Variants in RIT2 observed in about 807,000 individuals in gnomAD.
RIT2 encodes the protein Ras like without CAAX 2.
A neutral mutation model predicts 23.7 loss-of-function variants in RIT2; 24 were observed. The observed-to-expected ratio is 1.01, with a 90% CI of 0.73 to 1.43. RIT2 has a LOEUF of 1.43. Ranked by LOEUF, RIT2 falls within the 40% of genes most tolerant of loss-of-function variation. The pLI is 0.00. For missense variants in RIT2, 236 were observed against 266.9 expected (o/e 0.88, Z 0.81); for synonymous variants, 107 against 91.1 (o/e 1.17, Z -0.99).
chr18:42,819,539 T>C (rs540426890), intron 4 of RIT2, among the ~76,000 whole-genome samples: 1 of 152,222 alleles, frequency 6.6e-6, no homozygotes, highest in South Asian at 2.1e-4. Context: ...TTATTGTATG[T>C]TTTTATATTT....
intron 4 of RIT2, among the ~76,000 whole-genome samples, chr18:42,846,140 C>T (rs1287959066): frequency 6.6e-6 from 1 of 151,318 alleles, no homozygotes; most frequent in Non-Finnish European, 1.5e-5. Context: ...ACATACTGAG[C>T]AAAAAAGAGA....
intron 4 of RIT2, among the ~76,000 whole-genome samples, chr18:42,879,148 AT>A (rs1313971161): frequency 2.0e-5 from 3 of 152,202 alleles, no homozygotes; most frequent in African/African-American, 7.2e-5. Flanking sequence ...AATCTGAATG[AT>A]TTCTTTCCAA....
At position 42,863,612 on chromosome 18, in the gene RIT2, A is replaced by T. The variant is rs183543228; in HGVS notation, c.426+59960T>A. On this transcript the variant is annotated intron_variant, in intron 4 of 4. Coordinates refer to ENST00000326695, the MANE Select transcript of RIT2 (RefSeq NM_002930.4). ...TAAATTTCTTTCAAATTAAATTTGG[A>T]AGCCACACATGCTTTCTTGGAAATT... Among the ~76,000 whole-genome samples, 244 of 152,312 alleles carry T rather than the reference A, an allele frequency of 1.6e-3. 2 individuals carry two copies. The highest frequency in any genetic ancestry group is 5.5e-3 in the African/African-American group (230 of 41,570).
chr18:42,811,737 G>A (rs139753268), intron 4 of RIT2, among the ~76,000 whole-genome samples: 58 of 152,108 alleles, frequency 3.8e-4, no homozygotes, highest in African/African-American at 1.1e-3. Context: ...GGAAGGATTC[G>A]TTTGCAAAGC....
chr18:43,045,177 A>C (rs1912217615), intron 1 of RIT2, among the ~76,000 whole-genome samples: 2 of 152,132 alleles, frequency 1.3e-5, no homozygotes, highest in Non-Finnish European at 2.9e-5. Context: ...AACATACGTA[A>C]ATACAACTCT....
At chr18:42,768,780 A>T (rs1913482784) in intron 4 of RIT2, among the ~76,000 whole-genome samples, 1 of 151,954 alleles carries the variant, frequency 6.6e-6, no homozygotes, top group South Asian at 2.1e-4. Flanking sequence ...TTACAATTTG[A>T]AGTAGGTTGG....
In RIT2 at chr18:42,783,810, A is replaced by G. The variant is rs183138695; in HGVS notation, c.427-40090T>C. Among the ~76,000 whole-genome samples the G allele has an allele frequency of 6.6e-3, 1,011 of 152,118 alleles. 11 individuals carry two copies. Among genetic ancestry groups the G allele is most frequent in the African/African-American group, 0.023 (968 of 41,528 alleles). On this transcript the variant is annotated intron_variant, in intron 4 of 4. Coordinates refer to ENST00000326695, the MANE Select transcript of RIT2 (RefSeq NM_002930.4). The stretch of plus-strand genomic sequence containing the variant: ...CTTTAAAAATAATTTATTTGTAAAC[A>G]TTTGGTGGACATGAGAGCTGGATTA...
intron 4 of RIT2, among the ~76,000 whole-genome samples, chr18:42,896,563 CA>C (rs1255580450): frequency 6.6e-6 from 1 of 152,184 alleles, no homozygotes; most frequent in African/African-American, 2.4e-5. Context: ...ACTCTCTCAA[CA>C]TTGTAATACA....
chr18:42,856,295 A>G (rs1907180143), intron 4 of RIT2, among the ~76,000 whole-genome samples: 1 of 152,234 alleles, frequency 6.6e-6, no homozygotes, highest in African/African-American at 2.4e-5. Context: ...AAGGAATTGC[A>G]TACTCAGAGA....
intron 2 of RIT2, among the ~76,000 whole-genome samples, chr18:43,021,767 C>A (rs889528251): frequency 6.6e-6 from 1 of 152,072 alleles, no homozygotes; most frequent in East Asian, 1.9e-4. Context: ...AGCCACCATG[C>A]TTTCTATGCA....
At chr18:42,860,173 T>C (rs988203380) in intron 4 of RIT2, among the ~76,000 whole-genome samples, 2 of 152,170 alleles carry the variant, frequency 1.3e-5, no homozygotes, top group Non-Finnish European at 1.5e-5. Context: ...TTGGGAAATT[T>C]CATGTGAGTC....
chr18:42,755,775 G>C lies in RIT2; in HGVS notation c.427-12055C>G, dbSNP rs184033205. Among the ~76,000 whole-genome samples the C allele has an allele frequency of 2.5e-3, 384 of 152,260 alleles. 1 individual carries two copies. Among genetic ancestry groups the C allele is most frequent in the Middle Eastern group, 0.014 (4 of 294 alleles). Reference sequence around the variant, plus strand: ...AGCTGAGGCTACAATAAACAGAGGAGTTGGTTGTCGATTTAGACAAATAGA... The same window carrying C: ...AGCTGAGGCTACAATAAACAGAGGACTTGGTTGTCGATTTAGACAAATAGA... On this transcript the variant is annotated intron_variant, in intron 4 of 4. Coordinates refer to ENST00000326695, the MANE Select transcript of RIT2 (RefSeq NM_002930.4).
intron 2 of RIT2, among the ~76,000 whole-genome samples, chr18:43,021,380 T>C (rs1348229017): frequency 6.6e-6 from 1 of 151,952 alleles, no homozygotes; most frequent in Non-Finnish European, 1.5e-5. Context: ...AGTGAAAAAA[T>C]AACAGATCCC....
chr18:43,023,621 T>C (rs1346254920), intron 2 of RIT2, among the ~76,000 whole-genome samples: 5 of 152,106 alleles, frequency 3.3e-5, no homozygotes, highest in Admixed American at 3.3e-4. Flanking sequence ...TTTTCAAGGT[T>C]GAAGGGACAA....
At chr18:42,962,557 AG>A (rs1208891711) in intron 3 of RIT2, among the ~76,000 whole-genome samples, 1 of 152,208 alleles carries the variant, frequency 6.6e-6, no homozygotes, top group Non-Finnish European at 1.5e-5. Flanking sequence ...AGGGAATGAA[AG>A]TGTGTTTATC....
chr18:43,045,061 CT>C (rs1172188927), intron 1 of RIT2, among the ~76,000 whole-genome samples: 9 of 152,274 alleles, frequency 5.9e-5, no homozygotes, highest in African/African-American at 1.7e-4. Flanking sequence ...GACATTTTCA[CT>C]AATATTTTCT....
chr18:43,086,452 A>G (rs995083033), intron 1 of RIT2, among the ~76,000 whole-genome samples: 1 of 152,202 alleles, frequency 6.6e-6, no homozygotes, highest in African/African-American at 2.4e-5. Context: ...ACAGTCTTAA[A>G]AGAAACAGTG....
chr18:43,036,615 A>C (rs975246257), intron 1 of RIT2, among the ~76,000 whole-genome samples: 1 of 151,894 alleles, frequency 6.6e-6, no homozygotes, highest in African/African-American at 2.4e-5. Flanking sequence ...TACATGATGG[A>C]GTTTGTGCTT....
At chr18:43,045,145 C>T (rs1247419177) in intron 1 of RIT2, among the ~76,000 whole-genome samples, 1 of 152,096 alleles carries the variant, frequency 6.6e-6, no homozygotes, top group Non-Finnish European at 1.5e-5. Context: ...TTTCAGTATG[C>T]AGTGCCCTGC....
Sources: allele counts gnomAD v4.1 joint callset (sites outside exome capture counted in the v4.1 genomes callset), GRCh38; gene constraint gnomAD v4.1.1; transcripts MANE v1.5; gene names NCBI Gene and HGNC (gene_info 2026-07-23, HGNC 2026-07-21).